CNTFR: variants seen among roughly 807,000 people sequenced by gnomAD.
CNTFR encodes the protein ciliary neurotrophic factor receptor subunit alpha.
In CNTFR, 12 loss-of-function variants were observed where a neutral mutation model predicts 40.4. The ratio of observed to expected loss-of-function variants is 0.30; its 90% confidence interval spans 0.19 to 0.48. CNTFR has a LOEUF of 0.48. Among genes scored for constraint, CNTFR ranks in the 20% least tolerant of loss-of-function variants. The pLI, the probability that CNTFR is intolerant of heterozygous loss-of-function variation, is 0.99. For missense variants in CNTFR, 414 were observed against 506.8 expected, an observed-to-expected ratio of 0.82 and a Z score of 1.76; for synonymous variants, 202 against 209.6, an observed-to-expected ratio of 0.96 and a Z score of 0.31.
At chr9:34,582,232 G>A (rs1827327645) in intron 1 of CNTFR, 1 of 145,954 alleles carries the variant, frequency 6.9e-6, no homozygotes, top group Non-Finnish European at 1.5e-5. Flanking sequence ...CCAAGATTGA[G>A]CCACTGCACT....
In CNTFR at chr9:34,587,744, G is replaced by A. The variant is rs576636427; in HGVS notation, c.-112+1811C>T. Among the ~76,000 whole-genome samples, 5 of 152,292 alleles carry A rather than the reference G, an allele frequency of 3.3e-5. No individual in the cohort carries two copies. The South Asian group carries it at 1.0e-3, about 32-fold the overall frequency. On this transcript the variant is annotated intron_variant, in intron 1 of 9. Transcript: ENST00000378980. ...TAAGTGTGAATCGGAGTGAGCATGA[G>A]GGTCTTTGTGTGAGCCCCAGTGTGA...
chr9:34,572,461 C>G (rs972806577), intron 2 of CNTFR, among the ~76,000 whole-genome samples: 1 of 152,166 alleles, frequency 6.6e-6, no homozygotes, highest in South Asian at 2.1e-4. Context: ...TTCCTCTCAG[C>G]CCCTCAAAGA....
intron 4 of CNTFR, among the ~76,000 whole-genome samples, chr9:34,562,658 T>C (rs377310873): frequency 6.6e-5 from 10 of 152,206 alleles, no homozygotes; most frequent in African/African-American, 2.2e-4. Flanking sequence ...GAGACGACTT[T>C]TGGGCAGTGG....
chr9:34,572,135 G>T (rs577415709), intron 2 of CNTFR, among the ~76,000 whole-genome samples: 2 of 151,960 alleles, frequency 1.3e-5, no homozygotes, highest in Non-Finnish European at 2.9e-5. Flanking sequence ...AACCCCTAGG[G>T]TACAAGGGTA....
chr9:34,574,358 T>C (rs1345763699), intron 2 of CNTFR, among the ~76,000 whole-genome samples: 11 of 152,196 alleles, frequency 7.2e-5, no homozygotes, highest in Non-Finnish European at 1.6e-4. Flanking sequence ...AATCCAGACC[T>C]GCCTCTCCTC....
chr9:34,557,514 C>T lies in CNTFR; in HGVS notation c.604+12G>A, dbSNP rs111317113. The stretch of plus-strand genomic sequence containing the variant: ...GGAGTAGGCAGCAGGTCCCCCCAAC[C>T]GCCACACGTACCAATGGTGAACTCG... On this transcript the variant is annotated intron_variant, in intron 6 of 9. Transcript: ENST00000378980. The surrounding 1 kb of genome is among the most constrained non-coding windows in gnomAD (Gnocchi z 4.2). 61 of 1,609,282 alleles carry T rather than the reference C, an allele frequency of 3.8e-5. No individual in the cohort carries two copies. Among genetic ancestry groups the T allele is most frequent in the Admixed American group, 2.7e-4 (16 of 59,926 alleles).
chr9:34,564,125 C>G (rs1021264121), intron 4 of CNTFR, among the ~76,000 whole-genome samples: 1 of 152,200 alleles, frequency 6.6e-6, no homozygotes, highest in Admixed American at 6.5e-5. Context: ...TCGCTTCCCA[C>G]TCCAGGATGC....
At chr9:34,562,609 A>G (rs563747015) in intron 4 of CNTFR, among the ~76,000 whole-genome samples, 16 of 152,312 alleles carry the variant, frequency 1.1e-4, no homozygotes, top group Admixed American at 2.6e-4. Context: ...CTGCTCCCAG[A>G]TCCCTTAAAC....
At chr9:34,579,433 T>C (rs547906171) in intron 2 of CNTFR, among the ~76,000 whole-genome samples, 3 of 151,822 alleles carry the variant, frequency 2.0e-5, no homozygotes, top group East Asian at 1.9e-4. Context: ...GAGACAGAGA[T>C]TGAGACAGGC....
chr9:34,569,612 CT>C (rs1427151300), intron 2 of CNTFR: 1 of 153,020 alleles, frequency 6.5e-6, no homozygotes, highest in African/African-American at 2.4e-5. Flanking sequence ...CCCGACACCC[CT>C]GTGGTGAGCC....
At chr9:34,568,368 C>T (rs1031238421) in intron 3 of CNTFR, among the ~76,000 whole-genome samples, 1 of 152,168 alleles carries the variant, frequency 6.6e-6, no homozygotes, top group Non-Finnish European at 1.5e-5. Context: ...GTCCCTCCCC[C>T]GTGTGGCCAT....
chr9:34,588,933 C>T (rs1827659192), intron 1 of CNTFR, among the ~76,000 whole-genome samples: 1 of 152,152 alleles, frequency 6.6e-6, no homozygotes, highest in African/African-American at 2.4e-5. Context: ...GGGGATACAC[C>T]ATAGGCAGAC....
chr9:34,551,641 G>T lies in CNTFR; in HGVS notation c.*430C>A. 1 of 332,382 alleles carries T rather than the reference G, an allele frequency of 3.0e-6. No individual in the cohort carries two copies. The highest frequency in any genetic ancestry group is 5.7e-6 in the Non-Finnish European group (1 of 175,894). The allele number at this position is 332,382 out of a possible 1,614,324, so 20.6% of individuals were successfully genotyped here. On this transcript the variant is annotated 3_prime_UTR_variant, in exon 10 of 10. Transcript: ENST00000378980. ...GACTGAAAATTGTGGGTGCTGGGGG[G>T]AGGGGGATGGCTGGGCCCCCCCAGC... is the stretch of plus-strand genomic sequence containing the variant.
rs984862174 is a variant in CNTFR, at chr9:34,551,769, C to T, written c.*302G>A. ...TGTGAGAGGCTCCCCTCACGTCCCCCAAGGGCTCCTGGGAGTCGCTGGCAT... is the reference window on the plus strand; with the variant it reads ...TGTGAGAGGCTCCCCTCACGTCCCCTAAGGGCTCCTGGGAGTCGCTGGCAT... On this transcript the variant is annotated 3_prime_UTR_variant, in exon 10 of 10. Coordinates refer to ENST00000378980, the MANE Select transcript of CNTFR (RefSeq NM_147164.3). 3 of 580,434 alleles carry T rather than the reference C, an allele frequency of 5.2e-6. No homozygotes were observed. The highest frequency in any genetic ancestry group is 9.2e-6 in the Non-Finnish European group (3 of 325,056). The allele number at this position is 580,434 out of a possible 1,614,324, so 36.0% of individuals were successfully genotyped here.
At position 34,564,667 on chromosome 9, in the gene CNTFR, C is replaced by T. The variant is rs1826206032; in HGVS notation, c.251G>A (p.Ser84Asn). Residue 84 changes from serine to asparagine, a missense_variant, in exon 4 of 10, where the codon AGT (serine) becomes AAT (asparagine). Transcript: ENST00000378980. The stretch of plus-strand genomic sequence containing the variant: ...ACGGTGGAAGCAGGCGTAGAGGCCA[C>T]TGTGGCCCAGTTCCAGGCCATGGAG... Reference protein sequence around the residue: ...LVLHGLELGHSGLYACFHRDS... With the variant: ...LVLHGLELGHNGLYACFHRDS... 6.2e-7 allele frequency: 1 copy of T among 1,613,830 alleles called. No individual in the cohort carries two copies. The highest frequency in any genetic ancestry group is 8.5e-7 in the Non-Finnish European group (1 of 1,179,904).
intron 6 of CNTFR, 56 bp from the exon 7 acceptor site, chr9:34,556,474 G>A (rs1481525355): frequency 6.6e-7 from 1 of 1,510,766 alleles, no homozygotes; most frequent in Non-Finnish European, 8.9e-7. Flanking sequence ...AACCCACTTT[G>A]TCAACTCCAG....
chr9:34,580,250 C>T (rs1228600604), intron 2 of CNTFR: 1 of 152,222 alleles, frequency 6.6e-6, no homozygotes, highest in Non-Finnish European at 1.5e-5. Context: ...ATCTCCTAGC[C>T]CCATCCTAGT....
intron 2 of CNTFR, among the ~76,000 whole-genome samples, chr9:34,572,825 C>T (rs781630705): frequency 2.0e-5 from 3 of 152,178 alleles, no homozygotes; most frequent in South Asian, 2.1e-4. Context: ...CACCAACAAA[C>T]GGGGCAATGA....
At chr9:34,583,865 T>A (rs1463743687) in intron 1 of CNTFR, among the ~76,000 whole-genome samples, 2 of 152,200 alleles carry the variant, frequency 1.3e-5, no homozygotes, top group Non-Finnish European at 2.9e-5. Context: ...GGTCAGCTCA[T>A]GGGCCGAGGT....
Sources: gnomAD v4.1 joint callset for allele counts (sites outside exome capture counted in the v4.1 genomes callset) on GRCh38, gnomAD v4.1.1 for gene constraint, Gnocchi (gnomAD v3.1) non-coding constraint, MANE v1.5 for transcripts, NCBI Gene and HGNC (gene_info 2026-07-23, HGNC 2026-07-21) for gene names.